Variants in IGF1 observed in about 807,000 individuals in gnomAD.
The protein encoded by IGF1 is insulin-like growth factor 1.
In IGF1, 4 loss-of-function variants were observed where a neutral mutation model predicts 13.8. That is an observed-to-expected ratio of 0.29 (90% CI 0.14 to 0.66). The LOEUF (loss-of-function observed/expected upper bound fraction) is 0.66. Ranked by LOEUF, IGF1 falls within the 30% of genes least tolerant of loss-of-function variation. The pLI, the probability that IGF1 is intolerant of heterozygous loss-of-function variation, is 0.78. For synonymous variants in IGF1, 76 were observed against 72.6 expected (o/e 1.05, Z -0.23); for missense variants, 124 against 188.5 (o/e 0.66, Z 2.00).
intron 2 of IGF1, among the ~76,000 whole-genome samples, chr12:102,444,906 G>C (rs1878180335): frequency 6.6e-6 from 1 of 152,084 alleles, no homozygotes; most frequent in Non-Finnish European, 1.5e-5. Flanking sequence ...AAATTTTGCT[G>C]AGTCACTGAG....
chr12:102,405,196 C>T (rs963730154), intron 3 of IGF1, among the ~76,000 whole-genome samples: 19 of 151,798 alleles, frequency 1.3e-4, no homozygotes, highest in Admixed American at 1.2e-3. Context: ...AAGTGATTCT[C>T]CTGCCTCAGC....
intron 2 of IGF1, among the ~76,000 whole-genome samples, chr12:102,439,549 T>G (rs1877528920): frequency 6.6e-6 from 1 of 151,952 alleles, no homozygotes; most frequent in Admixed American, 6.5e-5. Context: ...CTACAACAAA[T>G]TGTAATATGA....
intron 3 of IGF1, among the ~76,000 whole-genome samples, chr12:102,404,006 A>G (rs1873917561): frequency 6.6e-6 from 1 of 152,222 alleles, no homozygotes; most frequent in Non-Finnish European, 1.5e-5. Context: ...CCTTGAATGT[A>G]TTTAAATTGC....
In IGF1 at chr12:102,400,959, T is replaced by G. The variant is rs1027106666; in HGVS notation, c.*1548A>C. ...TATTTTGAAAAGTGTTTTAAGAGAT[T>G]GAGCTGTTAGCTTTTAACAACTAGT... On this transcript the variant is annotated 3_prime_UTR_variant, in exon 4 of 4. Transcript: ENST00000337514. 5.9e-5 allele frequency: 9 copies of G among 152,266 alleles called. No individual in the cohort carries two copies. Among genetic ancestry groups the G allele is most frequent in the African/African-American group, 2.2e-4 (9 of 41,480 alleles). 9.4% of individuals were successfully genotyped at this position (152,266 alleles called of 1,614,324 possible). A position where few individuals can be genotyped will look rare whatever the true frequency, so the allele number is the denominator to read the frequency against.
At position 102,422,819 on chromosome 12, in the gene IGF1, A is replaced by C. The variant is rs570326264; in HGVS notation, c.221-3129T>G. 6.6e-5 allele frequency among the ~76,000 whole-genome samples: 10 copies of C among 152,328 alleles called. No homozygotes were observed. The South Asian group carries it at 1.7e-3, about 25-fold the overall frequency. On this transcript the variant is annotated intron_variant, in intron 2 of 3. Coordinates refer to ENST00000337514, the MANE Select transcript of IGF1 (RefSeq NM_000618.5). ...GAAACTCTTCATTAGGTGCTGTATA[A>C]TTCTGTCCCAGTGGGCAGAATCAGA...
chr12:102,411,250 A>G (rs1214659136), intron 3 of IGF1, among the ~76,000 whole-genome samples: 1 of 152,176 alleles, frequency 6.6e-6, no homozygotes, highest in East Asian at 1.9e-4. Context: ...CATGCCACAT[A>G]CTTACACCAT....
intron 1 of IGF1, 69 bp downstream of exon 1, chr12:102,480,250 A>G: frequency 7.0e-7 from 1 of 1,421,530 alleles, no homozygotes; most frequent in South Asian, 1.2e-5. Flanking sequence ...GAACAGTTCT[A>G]GGCAGAAGCA....
intron 2 of IGF1, among the ~76,000 whole-genome samples, chr12:102,465,936 C>T (rs1238527824): frequency 7.2e-6 from 1 of 139,390 alleles, no homozygotes; most frequent in African/African-American, 2.7e-5. Context: ...GACTCTGTTT[C>T]AAATAAATAA....
intron 3 of IGF1, among the ~76,000 whole-genome samples, chr12:102,416,893 G>A (rs1021353868): frequency 2.6e-5 from 4 of 152,176 alleles, no homozygotes; most frequent in Non-Finnish European, 5.9e-5. Flanking sequence ...GTTAAAATGA[G>A]GTCAGTGGGG....
At chr12:102,421,105 A>G (rs17878845) in intron 2 of IGF1, among the ~76,000 whole-genome samples, 6 of 152,046 alleles carry the variant, frequency 3.9e-5, no homozygotes, top group Non-Finnish European at 5.9e-5. Context: ...TAAGAACCCA[A>G]ATGCTTTCCT....
intron 2 of IGF1, among the ~76,000 whole-genome samples, chr12:102,474,368 A>G (rs1275343047): frequency 6.6e-6 from 1 of 152,184 alleles, no homozygotes; most frequent in African/African-American, 2.4e-5. Context: ...CAAATAGTAG[A>G]AGGCACTTCT....
chr12:102,476,103 C>T (rs181675231), intron 1 of IGF1, among the ~76,000 whole-genome samples: 60 of 152,216 alleles, frequency 3.9e-4, no homozygotes, highest in Admixed American at 9.2e-4. Context: ...ACGTTTACTA[C>T]GGAAATGAAA....
At chr12:102,456,223 T>TAG (rs982122344) in intron 2 of IGF1, among the ~76,000 whole-genome samples, 3 of 16,538 alleles carry the variant, frequency 1.8e-4, no homozygotes, top group African/African-American at 6.1e-4. Context: ...TTAAAAAAGG[T>TAG]GTGTGTGTGT....
intron 1 of IGF1, among the ~76,000 whole-genome samples, chr12:102,480,017 C>T (rs2137302230): frequency 6.6e-6 from 1 of 152,190 alleles, no homozygotes; most frequent in South Asian, 2.1e-4. Flanking sequence ...CTCTATAGCC[C>T]TTAGCCATAG....
At chr12:102,403,841 A>G (rs1873898822) in intron 3 of IGF1, among the ~76,000 whole-genome samples, 1 of 152,038 alleles carries the variant, frequency 6.6e-6, no homozygotes. Context: ...TTACTGTTAT[A>G]GTCCCAGTGT....
intron 2 of IGF1, among the ~76,000 whole-genome samples, chr12:102,457,896 G>T (rs771102666): frequency 6.6e-6 from 1 of 152,156 alleles, no homozygotes; most frequent in Non-Finnish European, 1.5e-5. Context: ...ATGAACGTTA[G>T]TTTTCTGCTC....
rs79090511 is a variant in IGF1 at position 102,398,694 on chromosome 12, G to T, written c.*3813C>A. The T allele has an allele frequency of 1.3e-5, 2 of 152,084 alleles. No individual in the cohort carries two copies. The highest frequency in any genetic ancestry group is 1.3e-4 in the Admixed American group (2 of 15,266). 9.4% of individuals were successfully genotyped at this position (152,084 alleles called of 1,614,324 possible). A position where few individuals can be genotyped will look rare whatever the true frequency, so the allele number is the denominator to read the frequency against. ...AGTGATAAAAAGTTGAAAGGTGGTGGTGGCTAGATAGACCTAATGCTATTT... is the reference window on the plus strand; with the variant it reads ...AGTGATAAAAAGTTGAAAGGTGGTGTTGGCTAGATAGACCTAATGCTATTT... On this transcript the variant is annotated 3_prime_UTR_variant, in exon 4 of 4. Transcript: ENST00000337514.
At chr12:102,452,034 G>C (rs368422732) in intron 2 of IGF1, among the ~76,000 whole-genome samples, 1 of 152,000 alleles carries the variant, frequency 6.6e-6, no homozygotes, top group African/African-American at 2.4e-5. Flanking sequence ...AGGCCGAGGC[G>C]GGCGGATCAC....
At position 102,397,442 on chromosome 12, in the gene IGF1, T is replaced by C. The variant is rs936485863; in HGVS notation, c.*5065A>G. Reference sequence around the variant, plus strand: ...AGCATTGTTCCAGATAGGAATTGGTTATTTAAATTGATATCTTTATCCTGT... The same window carrying C: ...AGCATTGTTCCAGATAGGAATTGGTCATTTAAATTGATATCTTTATCCTGT... On this transcript the variant is annotated 3_prime_UTR_variant, in exon 4 of 4. Transcript: ENST00000337514. 6.6e-6 allele frequency: 1 copy of C among 152,216 alleles called. No homozygotes were observed. Among genetic ancestry groups the C allele is most frequent in the African/African-American group, 2.4e-5 (1 of 41,460 alleles). The allele number at this position is 152,216 out of a possible 1,614,324, so 9.4% of individuals were successfully genotyped here. A position where few individuals can be genotyped will look rare whatever the true frequency, so the allele number is the denominator to read the frequency against.
Sources: gnomAD v4.1 joint callset for allele counts (sites outside exome capture counted in the v4.1 genomes callset) on GRCh38, gnomAD v4.1.1 for gene constraint, MANE v1.5 for transcripts, NCBI Gene and HGNC (gene_info 2026-07-23, HGNC 2026-07-21) for gene names.